Variants in RAPGEF1 observed in about 807,000 individuals in gnomAD.
RAPGEF1 encodes the protein Rap guanine nucleotide exchange factor 1, also known as CRK SH3-binding GNRP.
A neutral mutation model predicts 143.3 loss-of-function variants in RAPGEF1; 33 were observed. That is an observed-to-expected ratio of 0.23 (90% CI 0.17 to 0.31). The LOEUF (loss-of-function observed/expected upper bound fraction) is 0.31. RAPGEF1 is among the 10% of genes least tolerant of loss of function. The probability of loss-of-function intolerance (pLI) is 1.00; values close to 1 mark genes in which losing one functional copy is unlikely to be tolerated. For synonymous variants in RAPGEF1, 629 were observed against 676.5 expected (o/e 0.93, Z 1.09); for missense variants, 1,199 against 1,645.4 (o/e 0.73, Z 4.69).
chr9:131,702,152 G>T (rs1834702430), intron 1 of RAPGEF1, among the ~76,000 whole-genome samples: 1 of 152,262 alleles, frequency 6.6e-6, no homozygotes, highest in Non-Finnish European at 1.5e-5. Flanking sequence ...TACAGAAGCA[G>T]CGAAGAGGGA....
chr9:131,670,092 G>A (rs1205243292), intron 1 of RAPGEF1, among the ~76,000 whole-genome samples: 1 of 152,192 alleles, frequency 6.6e-6, no homozygotes, highest in Non-Finnish European at 1.5e-5. Flanking sequence ...GCCACAGACA[G>A]GGAGAGTGAG....
intron 9 of RAPGEF1, among the ~76,000 whole-genome samples, 188 bp downstream of exon 9, chr9:131,627,725 C>T (rs867961333): frequency 6.6e-6 from 1 of 152,166 alleles, no homozygotes; most frequent in Non-Finnish European, 1.5e-5. Flanking sequence ...TTTACATGCT[C>T]AACTTCCTTG....
intron 9 of RAPGEF1, 97 bp from the exon 10 acceptor site, chr9:131,626,519 T>A: frequency 7.8e-7 from 1 of 1,274,702 alleles, no homozygotes. Context: ...CGCTCATGGG[T>A]GTGTGACAAA....
At chr9:131,674,247 A>G (rs1172004924) in intron 1 of RAPGEF1, among the ~76,000 whole-genome samples, 2 of 152,136 alleles carry the variant, frequency 1.3e-5, no homozygotes, top group Non-Finnish European at 2.9e-5. Flanking sequence ...GCACAGAACT[A>G]TGTGTCCTGA....
chr9:131,644,490 G>C (rs1969001021), intron 3 of RAPGEF1, among the ~76,000 whole-genome samples: 1 of 152,126 alleles, frequency 6.6e-6, no homozygotes, highest in Admixed American at 6.6e-5. Context: ...CAAATTAAGA[G>C]GGGTGTGTAT....
intron 1 of RAPGEF1, chr9:131,709,830 C>T: frequency 6.9e-7 from 1 of 1,443,674 alleles, no homozygotes; most frequent in Non-Finnish European, 9.1e-7. Context: ...ACAAGGGAAG[C>T]CTGAGGAATC....
chr9:131,690,165 C>A (rs1833679342), intron 1 of RAPGEF1, among the ~76,000 whole-genome samples: 1 of 152,104 alleles, frequency 6.6e-6, no homozygotes, highest in African/African-American at 2.4e-5. Flanking sequence ...GTTAAAAAGT[C>A]TAATTAATGG....
chr9:131,685,227 C>T (rs967392335), intron 1 of RAPGEF1, among the ~76,000 whole-genome samples: 4 of 152,194 alleles, frequency 2.6e-5, no homozygotes, highest in African/African-American at 9.7e-5. Flanking sequence ...TGGATCCTGA[C>T]TCCTGCGAGA....
At chr9:131,715,669 T>G (rs62583102) in intron 1 of RAPGEF1, among the ~76,000 whole-genome samples, 1,622 of 151,784 alleles carry the variant, frequency 0.011, 31 homozygotes, top group Non-Finnish European at 0.013. Context: ...ATAGAGACCA[T>G]CCTGGCCAAG....
At chr9:131,688,631 A>T (rs1450023540) in intron 1 of RAPGEF1, among the ~76,000 whole-genome samples, 1 of 152,208 alleles carries the variant, frequency 6.6e-6, no homozygotes. Flanking sequence ...CAAGACTCAA[A>T]TCTAAATAAC....
At chr9:131,668,178 G>A (rs928143138) in intron 1 of RAPGEF1, among the ~76,000 whole-genome samples, 31 of 152,124 alleles carry the variant, frequency 2.0e-4, no homozygotes, top group African/African-American at 7.0e-4. Flanking sequence ...TGCCAGAGAC[G>A]TGAAGAGAAT....
At chr9:131,588,771 G>C (rs2296953) in intron 20 of RAPGEF1, 30 bp downstream of exon 20, 51,252 of 1,586,618 alleles carry the variant, frequency 0.032, 2,059 homozygotes, top group African/African-American at 0.17. Flanking sequence ...TCCTGGGGAA[G>C]AGGCAGGGCT....
intron 12 of RAPGEF1, among the ~76,000 whole-genome samples, chr9:131,613,769 T>C (rs372734870): frequency 1.3e-5 from 2 of 152,128 alleles, no homozygotes; most frequent in Non-Finnish European, 2.9e-5. Context: ...AGACTCAACC[T>C]TGGACTTGTA....
intron 18 of RAPGEF1, among the ~76,000 whole-genome samples, chr9:131,591,686 C>A (rs1045821651): frequency 2.0e-5 from 3 of 152,170 alleles, no homozygotes; most frequent in Non-Finnish European, 4.4e-5. Flanking sequence ...TCGTGCCCAA[C>A]GCCCTGGGGC....
rs898465927 is a variant in RAPGEF1, at chr9:131,628,393, C to T, written c.1017+156G>A. 6.6e-6 allele frequency among the ~76,000 whole-genome samples: 1 copy of T among 152,164 alleles called. No homozygotes were observed. Among genetic ancestry groups the T allele is most frequent in the African/African-American group, 2.4e-5 (1 of 41,432 alleles). ...CCCCATATGGGAACTTGGACCGTGT[C>T]CTGGAGAGAGAGGGATGGGTACAAG... On this transcript the variant is annotated intron_variant, in intron 8 of 26. Coordinates refer to ENST00000683357, the MANE Select transcript of RAPGEF1 (RefSeq NM_001377935.1). The surrounding 1 kb of genome is among the most constrained non-coding windows in gnomAD (Gnocchi z 5.7).
rs1286841519 is a variant in RAPGEF1, at chr9:131,577,678, AAAG to A, written c.*1816_*1818del. 6.6e-6 allele frequency: 1 copy of A among 152,332 alleles called. No homozygotes were observed. The highest frequency in any genetic ancestry group is 1.9e-4 in the East Asian group (1 of 5,206). 9.4% of individuals were successfully genotyped at this position (152,332 alleles called of 1,614,324 possible). On this transcript the variant is annotated 3_prime_UTR_variant, in exon 27 of 27. Transcript: ENST00000683357. ...AAGGATTGAAATGAAGGGACTTCAA[AAAG>A]AAGGAACAAACTAAAAACCCAACCC... is the stretch of plus-strand genomic sequence containing the variant.
intron 12 of RAPGEF1, among the ~76,000 whole-genome samples, chr9:131,616,747 A>G (rs1057011876): frequency 6.6e-6 from 1 of 152,206 alleles, no homozygotes; most frequent in Non-Finnish European, 1.5e-5. Flanking sequence ...ATGAATGAAG[A>G]AAGTCAGGAA....
At chr9:131,700,939 C>G (rs543696488) in intron 1 of RAPGEF1, among the ~76,000 whole-genome samples, 7 of 152,190 alleles carry the variant, frequency 4.6e-5, no homozygotes, top group Admixed American at 1.3e-4. Context: ...ACTTTTGCTT[C>G]TTGGGCCTGC....
chr9:131,678,923 TC>T (rs1317684989), intron 1 of RAPGEF1, among the ~76,000 whole-genome samples: 1 of 152,052 alleles, frequency 6.6e-6, no homozygotes, highest in Non-Finnish European at 1.5e-5. Flanking sequence ...TTTGACCATT[TC>T]CCCCTGCTTT....
Sources: gnomAD v4.1 joint callset for allele counts (sites outside exome capture counted in the v4.1 genomes callset) on GRCh38, gnomAD v4.1.1 for gene constraint, Gnocchi (gnomAD v3.1) non-coding constraint, MANE v1.5 for transcripts, NCBI Gene and HGNC (gene_info 2026-07-23, HGNC 2026-07-21) for gene names.